Variants in TBC1D22A observed in about 807,000 individuals in gnomAD.
The protein encoded by TBC1D22A is putative GTPase activator.
TBC1D22A carries 38 observed loss-of-function variants against 60.2 expected under a neutral mutation model. The ratio of observed to expected loss-of-function variants is 0.63; its 90% CI spans 0.49 to 0.83. TBC1D22A has a LOEUF of 0.83. Ranked by LOEUF, TBC1D22A falls within the 40% of genes least tolerant of loss-of-function variation. The pLI, the probability that TBC1D22A is intolerant of heterozygous loss-of-function variation, is 0.00. For synonymous variants in TBC1D22A, 302 were observed against 281.7 expected, an observed-to-expected ratio of 1.07 and a Z score of -0.72; for missense variants, 628 against 701.0, an observed-to-expected ratio of 0.90 and a Z score of 1.18.
chr22:47,034,885 C>G (rs1055375679), intron 10 of TBC1D22A, among the ~76,000 whole-genome samples: 1 of 152,202 alleles, frequency 6.6e-6, no homozygotes, highest in Non-Finnish European at 1.5e-5. Context: ...ATAAACTGTC[C>G]TTGCTGCTCG....
chr22:46,858,462 C>CCA lies in TBC1D22A; in HGVS notation c.638-20190_638-20189insAC, dbSNP rs11404694. On this transcript the variant is annotated intron_variant, in intron 4 of 12. Transcript: ENST00000337137. ...CAGGCTTTGTTTCTTGTGGCAAACA[C>CCA]CCCCCCCAGCTCTGATCCATGTGTA... is the stretch of plus-strand genomic sequence containing the variant. Among the ~76,000 whole-genome samples the CCA allele has an allele frequency of 5.5e-4, 25 of 45,802 alleles. 2 individuals carry two copies. The highest frequency in any genetic ancestry group is 1.0e-3 in the Non-Finnish European group (23 of 22,696). The allele number at this position is 45,802 out of a possible 152,430, so 30.0% of individuals were successfully genotyped here.
At chr22:47,162,402 C>T (rs566034092) in intron 12 of TBC1D22A, among the ~76,000 whole-genome samples, 7 of 152,032 alleles carry the variant, frequency 4.6e-5, no homozygotes, top group African/African-American at 1.5e-4. Flanking sequence ...GTGGAGTTGC[C>T]ATGGCGTGTG....
At chr22:47,026,435 T>C (rs551077749) in intron 10 of TBC1D22A, among the ~76,000 whole-genome samples, 2 of 152,288 alleles carry the variant, frequency 1.3e-5, no homozygotes, top group Admixed American at 6.5e-5. Flanking sequence ...GAAATGTAAG[T>C]GGCATCTAGA....
At chr22:46,881,514 C>T (rs561793248) in intron 5 of TBC1D22A, among the ~76,000 whole-genome samples, 16 of 152,300 alleles carry the variant, frequency 1.1e-4, no homozygotes, top group African/African-American at 2.6e-4. Context: ...GAGTGCTTGC[C>T]GTGCGTCAGA....
chr22:47,063,838 C>T (rs2063667176), intron 11 of TBC1D22A, among the ~76,000 whole-genome samples: 1 of 152,230 alleles, frequency 6.6e-6, no homozygotes, highest in Non-Finnish European at 1.5e-5. Flanking sequence ...CAGCCTCACT[C>T]CAGTCTTTGC....
chr22:47,028,197 C>T lies in TBC1D22A; in HGVS notation c.1202-8874C>T, dbSNP rs1344728897. Among the ~76,000 whole-genome samples the T allele has an allele frequency of 1.3e-5, 2 of 152,198 alleles. No individual in the cohort carries two copies. Among genetic ancestry groups the T allele is most frequent in the East Asian group, 3.8e-4 (2 of 5,202 alleles). On this transcript the variant is annotated intron_variant, in intron 10 of 12. Coordinates refer to ENST00000337137, the MANE Select transcript of TBC1D22A (RefSeq NM_014346.5). This position sits in a 1 kb window ranked among gnomAD's most constrained non-coding sequence, Gnocchi z 4.4. ...ACTGTCAAAAAAATAGACCTCAATA[C>T]CTCTCTAGAGATGAAAAGATTGCGT...
chr22:46,879,888 C>T (rs972345006), intron 5 of TBC1D22A, among the ~76,000 whole-genome samples: 1 of 151,970 alleles, frequency 6.6e-6, no homozygotes, highest in Admixed American at 6.5e-5. Context: ...TTCCGCTTCC[C>T]TAATGTGTGT....
At chr22:46,787,802 A>G (rs535620321) in intron 1 of TBC1D22A, among the ~76,000 whole-genome samples, 1 of 152,200 alleles carries the variant, frequency 6.6e-6, no homozygotes, top group East Asian at 1.9e-4. Context: ...TTTCAACTCT[A>G]TTATATGACA....
intron 4 of TBC1D22A, among the ~76,000 whole-genome samples, chr22:46,838,934 A>G (rs920625256): frequency 2.0e-5 from 3 of 152,370 alleles, no homozygotes; most frequent in Admixed American, 6.5e-5. Flanking sequence ...TGACAATCCC[A>G]TAGCTTAAGA....
chr22:47,087,414 C>T (rs2064742687), intron 11 of TBC1D22A, among the ~76,000 whole-genome samples: 1 of 152,090 alleles, frequency 6.6e-6, no homozygotes, highest in African/African-American at 2.4e-5. Flanking sequence ...AAAGCAAGAA[C>T]AAAATCAAAT....
At chr22:47,046,130 G>T (rs2063025296) in intron 11 of TBC1D22A, among the ~76,000 whole-genome samples, 2 of 152,220 alleles carry the variant, frequency 1.3e-5, no homozygotes, top group South Asian at 4.1e-4. Context: ...CTACCTGTGG[G>T]TGTCTGTGTG....
intron 12 of TBC1D22A, among the ~76,000 whole-genome samples, chr22:47,147,336 A>T (rs5767533): frequency 6.6e-6 from 1 of 152,218 alleles, no homozygotes; most frequent in East Asian, 1.9e-4. Flanking sequence ...CGTAAAAACC[A>T]TTTCTGTGAC....
chr22:46,853,356 C>G (rs2087388552), intron 4 of TBC1D22A, among the ~76,000 whole-genome samples: 1 of 152,216 alleles, frequency 6.6e-6, no homozygotes, highest in African/African-American at 2.4e-5. Flanking sequence ...CCGCCTCCTT[C>G]AGGATGTTCT....
At chr22:46,885,009 C>T (rs940959697) in intron 5 of TBC1D22A, among the ~76,000 whole-genome samples, 2 of 152,128 alleles carry the variant, frequency 1.3e-5, no homozygotes, top group African/African-American at 2.4e-5. Context: ...GAAGTGTTTT[C>T]GGGCTGGTGG....
intron 4 of TBC1D22A, among the ~76,000 whole-genome samples, chr22:46,845,929 G>A (rs2086970474): frequency 6.6e-6 from 1 of 152,262 alleles, no homozygotes; most frequent in African/African-American, 2.4e-5. Context: ...ACGCCTTGCT[G>A]CAGTCGGCCC....
At chr22:46,765,449 CT>C (rs1229190216) in intron 1 of TBC1D22A, among the ~76,000 whole-genome samples, 1 of 152,054 alleles carries the variant, frequency 6.6e-6, no homozygotes, top group Non-Finnish European at 1.5e-5. Flanking sequence ...TGTTTTCTTT[CT>C]TTTTTTGTTT....
intron 8 of TBC1D22A, among the ~76,000 whole-genome samples, chr22:46,959,722 C>T (rs574682414): frequency 1.3e-5 from 2 of 152,294 alleles, no homozygotes; most frequent in South Asian, 2.1e-4. Context: ...AGCCGCGCCT[C>T]CTGGCTTTCT....
At chr22:47,145,274 G>C (rs556855417) in intron 12 of TBC1D22A, among the ~76,000 whole-genome samples, 1 of 152,142 alleles carries the variant, frequency 6.6e-6, no homozygotes, top group Non-Finnish European at 1.5e-5. Context: ...CATCCTTTAC[G>C]TGCCCAGGTG....
chr22:47,011,592 G>A (rs114252146), intron 10 of TBC1D22A, among the ~76,000 whole-genome samples: 2 of 152,298 alleles, frequency 1.3e-5, no homozygotes, highest in African/African-American at 4.8e-5. Flanking sequence ...TGCACGTTAG[G>A]GCTCCAGCAG....
Sources: gnomAD v4.1 joint callset for allele counts (sites outside exome capture counted in the v4.1 genomes callset) on GRCh38, gnomAD v4.1.1 for gene constraint, Gnocchi (gnomAD v3.1) non-coding constraint, MANE v1.5 for transcripts, NCBI Gene and HGNC (gene_info 2026-07-23, HGNC 2026-07-21) for gene names.